Variants in CMPK2 observed in about 807,000 individuals in gnomAD.
CMPK2 encodes UMP-CMP kinase 2, mitochondrial.
Under a neutral mutation model 33.4 loss-of-function variants are expected in CMPK2, and 32 were observed. The ratio of observed to expected loss-of-function variants is 0.96; its 90% CI spans 0.72 to 1.29. CMPK2 has a LOEUF of 1.29. Among genes scored for constraint, CMPK2 ranks in the 50% most tolerant of loss-of-function variants. CMPK2 has a pLI of 0.00. For missense variants in CMPK2, 672 were observed against 616.0 expected (o/e 1.09, Z -0.96); for synonymous variants, 299 against 275.3 (o/e 1.09, Z -0.85).
chr2:6,849,581 A>G lies in CMPK2; in HGVS notation c.*269T>C. 1 of 1,222,578 alleles carries G rather than the reference A, an allele frequency of 8.2e-7. No individual in the cohort carries two copies. The highest frequency in any genetic ancestry group is 2.0e-5 in the South Asian group (1 of 49,338). 75.7% of individuals were successfully genotyped at this position (1,222,578 alleles called of 1,614,324 possible). Reference sequence around the variant, plus strand: ...ATATTTGGTAGTGATTAAGTGAAACATATGTTCCAAGAAAATGTTTACTAT... The same window carrying G: ...ATATTTGGTAGTGATTAAGTGAAACGTATGTTCCAAGAAAATGTTTACTAT... On this transcript the variant is annotated 3_prime_UTR_variant, in exon 5 of 5. Coordinates refer to ENST00000256722, the MANE Select transcript of CMPK2 (RefSeq NM_207315.4).
In CMPK2 at chr2:6,865,371, C is replaced by G; in HGVS notation, c.326G>C (p.Arg109Pro). Residue 109 changes from arginine (R) to proline (P), a missense_variant, in exon 1 of 5, where the codon CGG becomes CCG. Physicochemically the swap from Arg to Pro is moderately radical, Grantham distance 103. Transcript: ENST00000256722. ...GCAGAGCAGCCTGAGCAGCTGGCAC[C>G]GCTGGAAGGGGCCGCGGCGCAGCTG... ...LHQLRRGPFQ[R>P]CQLLRLLCYC... 7.1e-7 allele frequency: 1 copy of G among 1,399,732 alleles called. No homozygotes were observed. Among genetic ancestry groups the G allele is most frequent in the Non-Finnish European group, 9.2e-7 (1 of 1,086,264 alleles). The allele number at this position is 1,399,732 out of a possible 1,614,324, so 86.7% of individuals were successfully genotyped here.
chr2:6,865,731 C>T lies in CMPK2; in HGVS notation c.-35G>A. 7.8e-7 allele frequency: 1 copy of T among 1,278,350 alleles called. No homozygotes were observed. Among genetic ancestry groups the T allele is most frequent in the Non-Finnish European group, 9.9e-7 (1 of 1,013,770 alleles). 79.2% of individuals were successfully genotyped at this position (1,278,350 alleles called of 1,614,324 possible). A position where few individuals can be genotyped will look rare whatever the true frequency, so the allele number is the denominator to read the frequency against. ...AGCGACGCCGCCCTCGGCCCCGCCT[C>T]GGAAACGAAACCTGGCGGGAGCCAG... On this transcript the variant is annotated 5_prime_UTR_variant, in exon 1 of 5. Coordinates refer to ENST00000256722, the MANE Select transcript of CMPK2 (RefSeq NM_207315.4).
chr2:6,842,830 G>A (rs182894927), intron 3 of CMPK2, among the ~76,000 whole-genome samples: 210 of 152,290 alleles, frequency 1.4e-3, no homozygotes, highest in African/African-American at 4.9e-3. Flanking sequence ...TGGGAAGGGG[G>A]AAGGAGGAAA....
At chr2:6,842,718 A>T (rs76616886) in intron 3 of CMPK2, among the ~76,000 whole-genome samples, 2,518 of 152,286 alleles carry the variant, frequency 0.017, 78 homozygotes, top group African/African-American at 0.057. Flanking sequence ...TCAGCTATTG[A>T]GTTTCTTTTA....
chr2:6,855,314 T>TCTGCCCCTGCCCCTGCCC (rs1199601769), intron 3 of CMPK2, among the ~76,000 whole-genome samples: 5 of 48,140 alleles, frequency 1.0e-4, no homozygotes, highest in African/African-American at 1.9e-4. Context: ...CTCTCTCGCC[T>TCTGCCCCTGCCCCTGCCC]CTGCCTCTGC....
intron 1 of CMPK2, among the ~76,000 whole-genome samples, 164 bp downstream of exon 1, chr2:6,864,858 A>T (rs1663007410): frequency 6.6e-6 from 1 of 152,230 alleles, no homozygotes; most frequent in Non-Finnish European, 1.5e-5. Flanking sequence ...GAATCTTAAA[A>T]GAGTTGCCTG....
Position 6,863,460 on chromosome 2 carries a change from T to C in CMPK2, c.790+4A>G. 5 of 1,611,276 alleles carry C rather than the reference T, an allele frequency of 3.1e-6. No homozygotes were observed. The highest frequency in any genetic ancestry group is 4.2e-6 in the Non-Finnish European group (5 of 1,177,644). ...CCTATAACTAAAAGGTAATATTATC[T>C]TACCCGTGGCATCCAGTCCTTCGAT... On this transcript the variant is annotated splice_donor_region_variant and intron_variant, in intron 2 of 4. Transcript: ENST00000256722.
intron 4 of CMPK2, among the ~76,000 whole-genome samples, 170 bp from the exon 5 acceptor site, chr2:6,850,143 T>C (rs1259257176): frequency 6.6e-6 from 1 of 152,242 alleles, no homozygotes; most frequent in Admixed American, 6.5e-5. Flanking sequence ...GTTTAACAAA[T>C]AATAAATGAA....
intron 3 of CMPK2, among the ~76,000 whole-genome samples, chr2:6,858,102 T>C (rs551330294): frequency 6.6e-6 from 1 of 152,328 alleles, no homozygotes; most frequent in Non-Finnish European, 1.5e-5. Context: ...TCAGAACATA[T>C]AACATTTTCT....
At chr2:6,846,146 C>T (rs187329746), downstream of CMPK2, among the ~76,000 whole-genome samples, 1 of 152,316 alleles carries the variant, frequency 6.6e-6, no homozygotes, top group African/African-American at 2.4e-5. Context: ...AAAACTCTGA[C>T]TCCAAATTCT....
chr2:6,846,110 C>G (rs906932917), downstream of CMPK2, among the ~76,000 whole-genome samples: 2 of 152,164 alleles, frequency 1.3e-5, no homozygotes, highest in African/African-American at 4.8e-5. Context: ...CACTAGGTGG[C>G]ATTGTAGGGT....
At position 6,865,286 on chromosome 2, in the gene CMPK2, C is replaced by T; in HGVS notation, c.411G>A (p.Leu137=). 6.5e-7 allele frequency: 1 copy of T among 1,530,924 alleles called. No homozygotes were observed. The highest frequency in any genetic ancestry group is 8.7e-7 in the Non-Finnish European group (1 of 1,147,148). 94.8% of individuals were successfully genotyped at this position (1,530,924 alleles called of 1,614,324 possible). The change falls in exon 1 of 5, where the codon CTG becomes CTA. Residue 137 remains leucine (L), a synonymous_variant. Transcript: ENST00000256722. ...AQQGFLLRDP[L]DDPDTRQALL... ...GCGCTTGCCGGGTGTCAGGGTCATC[C>T]AGGGGGTCGCGCAGCAGGAAGCCTT...
At chr2:6,847,906 A>C (rs1213321624), downstream of CMPK2, among the ~76,000 whole-genome samples, 5 of 152,212 alleles carry the variant, frequency 3.3e-5, no homozygotes, top group South Asian at 1.0e-3. Context: ...GAAGAAAGGA[A>C]GAATAAATTT....
At chr2:6,853,381 C>A (rs938215402) in intron 3 of CMPK2, among the ~76,000 whole-genome samples, 53 of 152,262 alleles carry the variant, frequency 3.5e-4, no homozygotes, top group African/African-American at 1.3e-3. Context: ...CCTGTGTCCC[C>A]CGCCCCACCT....
rs776269829 is a variant in CMPK2, at chr2:6,865,176, T to G, written c.521A>C (p.Gln174Pro). The G allele has an allele frequency of 3.0e-5, 46 of 1,534,692 alleles. No individual in the cohort carries two copies. Among genetic ancestry groups the G allele is most frequent in the Non-Finnish European group, 7.9e-6 (9 of 1,143,312 alleles). Reference sequence around the variant, plus strand: ...GCCGTCTTGCACCTCCCAGAGGCGCTGCCACAGCTGGCCGCGCGGGTCGGC... The same window carrying G: ...GCCGTCTTGCACCTCCCAGAGGCGCGGCCACAGCTGGCCGCGCGGGTCGGC... ...FEADPRGQLW[Q>P]RLWEVQDGRR... The change falls in exon 1 of 5, where the codon CAG becomes CCG. Residue 174 changes from glutamine to proline, a missense_variant. Physicochemically the swap from Gln to Pro is moderately conservative, Grantham distance 76 (BLOSUM62 -1). Coordinates refer to ENST00000256722, the MANE Select transcript of CMPK2 (RefSeq NM_207315.4).
chr2:6,862,861 T>G (rs1558327621), intron 2 of CMPK2, among the ~76,000 whole-genome samples: 1 of 152,222 alleles, frequency 6.6e-6, no homozygotes, highest in Admixed American at 6.5e-5. Context: ...ATGCTAGTTC[T>G]CCAACATCAA....
rs1663030555 is a variant in CMPK2, at chr2:6,865,264, C to A, written c.433G>T (p.Ala145Ser). 3 of 1,537,806 alleles carry A rather than the reference C, an allele frequency of 2.0e-6. No homozygotes were observed. Among genetic ancestry groups the A allele is most frequent in the Middle Eastern group, 3.4e-4 (2 of 5,818 alleles). The change falls in exon 1 of 5, where the codon GCG becomes TCG. Residue 145 changes from alanine (A) to serine (S), a missense_variant. Physicochemically the swap from Ala to Ser is moderately conservative, Grantham distance 99 (BLOSUM62 1). Coordinates refer to ENST00000256722, the MANE Select transcript of CMPK2 (RefSeq NM_207315.4). ...DPLDDPDTRQ[A>S]LLELLGACQE... The stretch of plus-strand genomic sequence containing the variant: ...CAGGCGCCCAGCAGCTCGAGCAGCG[C>A]TTGCCGGGTGTCAGGGTCATCCAGG...
At chr2:6,863,113 G>A (rs1662930070) in intron 2 of CMPK2, among the ~76,000 whole-genome samples, 1 of 152,120 alleles carries the variant, frequency 6.6e-6, no homozygotes, top group South Asian at 2.1e-4. Flanking sequence ...CTTCTGTCTG[G>A]AGGATGTTAC....
At chr2:6,866,296 C>A (rs1663088588), upstream of CMPK2, 1 of 379,296 alleles carries the variant, frequency 2.6e-6, no homozygotes, top group African/African-American at 2.2e-5. Flanking sequence ...CACGCGTCCC[C>A]GCCCCTCTAA....
Sources: gnomAD v4.1 joint callset for allele counts (sites outside exome capture counted in the v4.1 genomes callset) on GRCh38, gnomAD v4.1.1 for gene constraint, MANE v1.5 for transcripts, NCBI Gene and HGNC (gene_info 2026-07-23, HGNC 2026-07-21) for gene names.